ZNF385B: variants seen among roughly 807,000 people sequenced by gnomAD.
The protein encoded by ZNF385B is zinc finger protein 533.
In ZNF385B, 23 loss-of-function variants were observed where a neutral mutation model predicts 39.2. The ratio of observed to expected loss-of-function variants is 0.59; its 90% CI spans 0.42 to 0.83. The LOEUF (loss-of-function observed/expected upper bound fraction) is 0.83. Among genes scored for constraint, ZNF385B ranks in the 40% least tolerant of loss-of-function variants. The probability of loss-of-function intolerance (pLI) is 0.00; values close to 1 mark genes in which losing one functional copy is unlikely to be tolerated. For missense variants in ZNF385B, 552 were observed against 598.9 expected (o/e 0.92, Z 0.82); for synonymous variants, 205 against 222.6 (o/e 0.92, Z 0.70).
intron 3 of ZNF385B, among the ~76,000 whole-genome samples, chr2:179,696,271 T>C (rs1306089254): frequency 2.1e-5 from 3 of 140,804 alleles, no homozygotes; most frequent in Non-Finnish European, 3.1e-5. Flanking sequence ...TATATTTCAC[T>C]AAATATGTTT....
At chr2:179,839,640 A>C (rs1334077868) in intron 1 of ZNF385B, among the ~76,000 whole-genome samples, 2 of 152,158 alleles carry the variant, frequency 1.3e-5, no homozygotes, top group African/African-American at 4.8e-5. Flanking sequence ...TACAACATTC[A>C]AGTTGGAGCA....
intron 1 of ZNF385B, among the ~76,000 whole-genome samples, chr2:179,783,958 A>C (rs191964086): frequency 2.7e-4 from 41 of 152,320 alleles, no homozygotes; most frequent in African/African-American, 7.7e-4. Flanking sequence ...TTGACCCAGC[A>C]ATCCCATTAC....
At chr2:179,701,172 T>G (rs1420485696) in intron 3 of ZNF385B, among the ~76,000 whole-genome samples, 1 of 152,228 alleles carries the variant, frequency 6.6e-6, no homozygotes, top group Non-Finnish European at 1.5e-5. Flanking sequence ...GTCATACACT[T>G]TGAAAGTCTC....
intron 4 of ZNF385B, among the ~76,000 whole-genome samples, chr2:179,521,818 C>A (rs935002320): frequency 2.0e-5 from 3 of 152,174 alleles, no homozygotes; most frequent in Admixed American, 6.5e-5. Context: ...TCTGCCTTTT[C>A]ATCCTTTGGA....
intron 6 of ZNF385B, among the ~76,000 whole-genome samples, chr2:179,450,238 C>A (rs2049960038): frequency 6.6e-6 from 1 of 152,012 alleles, no homozygotes; most frequent in East Asian, 1.9e-4. Context: ...CAACAAAAGC[C>A]AAAATTGACA....
chr2:179,540,651 TC>T (rs2059865122), intron 4 of ZNF385B, among the ~76,000 whole-genome samples: 1 of 152,122 alleles, frequency 6.6e-6, no homozygotes. Flanking sequence ...TTTCCTCTCT[TC>T]CAAAAAATGT....
chr2:179,594,963 T>C (rs993672538), intron 3 of ZNF385B, among the ~76,000 whole-genome samples: 1 of 152,120 alleles, frequency 6.6e-6, no homozygotes, highest in Non-Finnish European at 1.5e-5. Flanking sequence ...TATGCCCATG[T>C]GCAGCTAGTG....
chr2:179,835,105 A>G (rs1219445658), intron 1 of ZNF385B, among the ~76,000 whole-genome samples: 1 of 152,238 alleles, frequency 6.6e-6, no homozygotes, highest in African/African-American at 2.4e-5. Context: ...CATAGGCTGG[A>G]TAGTAGATAG....
chr2:179,472,800 T>TCTC (rs1559289405), intron 6 of ZNF385B, among the ~76,000 whole-genome samples: 1 of 152,158 alleles, frequency 6.6e-6, no homozygotes, highest in Non-Finnish European at 1.5e-5. Context: ...GCCAACCCTG[T>TCTC]CTCCAGGCAG....
Position 179,676,234 on chromosome 2 carries a change from G to A in ZNF385B, c.298+93269C>T, listed in dbSNP as rs375101434. On this transcript the variant is annotated intron_variant, in intron 3 of 9. Coordinates refer to ENST00000410066, the MANE Select transcript of ZNF385B (RefSeq NM_152520.6). ...CTCCCGAGTAGCTGGGACTACAGGC[G>A]CCCACCAACACACCCGGCTAATTTT... Among the ~76,000 whole-genome samples the A allele has an allele frequency of 1.7e-4, 26 of 151,962 alleles. 1 individual carries two copies. Among genetic ancestry groups the A allele is most frequent in the African/African-American group, 5.3e-4 (22 of 41,420 alleles).
chr2:179,733,126 G>T (rs1031223189), intron 3 of ZNF385B, among the ~76,000 whole-genome samples: 1 of 152,170 alleles, frequency 6.6e-6, no homozygotes, highest in Non-Finnish European at 1.5e-5. Flanking sequence ...TGCATTATCA[G>T]TTAGGCTAAA....
chr2:179,782,230 A>T (rs1396178543), intron 1 of ZNF385B, among the ~76,000 whole-genome samples: 1 of 152,222 alleles, frequency 6.6e-6, no homozygotes, highest in East Asian at 1.9e-4. Flanking sequence ...CTAAAAAGAA[A>T]AAACACATGA....
chr2:179,444,876 T>C lies in ZNF385B; in HGVS notation c.1242A>G (p.Ala414=). ...AGGTGAGCAGGTGAGGTAAACTTAC[T>C]GCTAGAATACTCGGGCTCCGCTGGA... is the stretch of plus-strand genomic sequence containing the variant. ...NKLQRSPSIL[A]AKLAFQKDMM... The change falls in exon 9 of 10, where the codon GCA becomes GCG. Residue 414 remains alanine, a splice_region_variant and synonymous_variant. Transcript: ENST00000410066. 1 of 1,613,898 alleles carries C rather than the reference T, an allele frequency of 6.2e-7. No homozygotes were observed. The highest frequency in any genetic ancestry group is 1.7e-4 in the Middle Eastern group (1 of 6,060).
At chr2:179,539,195 G>A (rs2059764593) in intron 4 of ZNF385B, among the ~76,000 whole-genome samples, 1 of 152,228 alleles carries the variant, frequency 6.6e-6, no homozygotes, top group Non-Finnish European at 1.5e-5. Context: ...AGTGAGGGCT[G>A]TCTTCCTGGG....
chr2:179,841,715 T>C (rs2106615819), intron 1 of ZNF385B, among the ~76,000 whole-genome samples: 1 of 152,214 alleles, frequency 6.6e-6, no homozygotes, highest in Admixed American at 6.5e-5. Flanking sequence ...GGGGGCAAAA[T>C]CTCCATTGAG....
At position 179,458,271 on chromosome 2, in the gene ZNF385B, G is replaced by A. The variant is rs540906986; in HGVS notation, c.716-11501C>T. ...TCTCGTGATAGTGAATAAGTCTCACGAGATCTGATGGTTATATAAGGGAGA... is the reference window on the plus strand; with the variant it reads ...TCTCGTGATAGTGAATAAGTCTCACAAGATCTGATGGTTATATAAGGGAGA... On this transcript the variant is annotated intron_variant, in intron 6 of 9. Transcript: ENST00000410066. 7.9e-5 allele frequency among the ~76,000 whole-genome samples: 12 copies of A among 152,202 alleles called. No homozygotes were observed. In the South Asian group the frequency reaches 1.2e-3, roughly 16 times the overall value.
chr2:179,578,639 G>C (rs565248469), intron 3 of ZNF385B, among the ~76,000 whole-genome samples: 1 of 152,202 alleles, frequency 6.6e-6, no homozygotes, highest in South Asian at 2.1e-4. Flanking sequence ...TGCCAATCAT[G>C]ATGATGCTCA....
intron 3 of ZNF385B, among the ~76,000 whole-genome samples, chr2:179,656,198 C>A (rs1693743078): frequency 6.6e-6 from 1 of 151,918 alleles, no homozygotes; most frequent in Non-Finnish European, 1.5e-5. Flanking sequence ...TAAAAAGATG[C>A]AACAAATAAA....
At chr2:179,717,152 A>C (rs59642995) in intron 3 of ZNF385B, among the ~76,000 whole-genome samples, 42,789 of 152,136 alleles carry the variant, frequency 0.28, 6,359 homozygotes, top group East Asian at 0.5. Flanking sequence ...AAAAATTAGA[A>C]CAAAAGTAGA....
Sources: allele counts gnomAD v4.1 joint callset (sites outside exome capture counted in the v4.1 genomes callset), GRCh38; gene constraint gnomAD v4.1.1; transcripts MANE v1.5; gene names NCBI Gene and HGNC (gene_info 2026-07-23, HGNC 2026-07-21).